The following COL4A5 variants were observed in gnomAD, a reference collection of about 807,000 sequenced individuals.
The protein encoded by COL4A5 is collagen type IV alpha 5 chain, also known as collagen alpha-5(IV) chain.
Under a neutral mutation model 130.2 loss-of-function variants are expected in COL4A5, and 26 were observed. The ratio of observed to expected loss-of-function variants is 0.20; its 90% CI spans 0.15 to 0.28. The LOEUF is 0.28. Among genes scored for constraint, COL4A5 ranks in the 10% least tolerant of loss-of-function variants. The probability of loss-of-function intolerance (pLI) is 1.00; values close to 1 mark genes in which losing one functional copy is unlikely to be tolerated. For missense variants in COL4A5, 1,131 were observed against 1,344.3 expected, an observed-to-expected ratio of 0.84 and a Z score of 2.48; for synonymous variants, 496 against 439.6, an observed-to-expected ratio of 1.13 and a Z score of -1.60.
chrX:108,541,179 A>G (rs1387070187), intron 2 of COL4A5, among the ~76,000 whole-genome samples: 1 of 112,238 alleles, frequency 8.9e-6, no homozygotes, highest in Non-Finnish European at 1.9e-5. Flanking sequence ...CAGAGCAGCT[A>G]TTAATATTAA....
At chrX:108,665,006 T>TAC (rs1293541808) in intron 37 of COL4A5, among the ~76,000 whole-genome samples, 1 of 112,176 alleles carries the variant, frequency 8.9e-6, no homozygotes, top group Non-Finnish European at 1.9e-5. Context: ...ACACAACATA[T>TAC]ACCTACTTTT....
intron 1 of COL4A5, among the ~76,000 whole-genome samples, chrX:108,492,455 G>T (rs751917764): frequency 8.3e-4 from 93 of 111,921 alleles, no homozygotes; most frequent in African/African-American, 2.9e-3. Flanking sequence ...TTTCAGATTT[G>T]CTGCATCATA....
chrX:108,517,569 G>A (rs1391531243), intron 1 of COL4A5, among the ~76,000 whole-genome samples: 1 of 111,593 alleles, frequency 9.0e-6, no homozygotes, highest in East Asian at 2.8e-4. Context: ...CATTGGAGGT[G>A]TTAATAAGGT....
intron 36 of COL4A5, among the ~76,000 whole-genome samples, chrX:108,643,345 A>C (rs1424602213): frequency 8.9e-6 from 1 of 112,003 alleles, no homozygotes; most frequent in Non-Finnish European, 1.9e-5. Flanking sequence ...TAGACATCCA[A>C]ATACAAGAAG....
At chrX:108,666,466 G>T in intron 38 of COL4A5, 30 bp from the exon 39 acceptor site, 1 of 1,119,316 alleles carries the variant, frequency 8.9e-7, no homozygotes, top group Non-Finnish European at 1.2e-6. Flanking sequence ...TTGGAAAACT[G>T]GGTGTAACCT....
At chrX:108,627,136 A>G in intron 36 of COL4A5, 1 of 672,900 alleles carries the variant, frequency 1.5e-6, no homozygotes, top group Non-Finnish European at 1.8e-6. Context: ...TAATCAAGAG[A>G]AGTTTCTGTA....
chrX:108,580,620 G>A (rs2066228505), intron 14 of COL4A5, 34 bp downstream of exon 14: 2 of 1,195,350 alleles, frequency 1.7e-6, no homozygotes, highest in East Asian at 3.0e-5. Context: ...ATCATTTAAT[G>A]TAAATTGGTA....
At chrX:108,614,712 A>T (rs2066894639) in intron 29 of COL4A5, among the ~76,000 whole-genome samples, 199 bp from the exon 30 acceptor site, 2 of 112,145 alleles carry the variant, frequency 1.8e-5, no homozygotes, top group South Asian at 7.4e-4. Flanking sequence ...TAAGTATTGA[A>T]GTAGTGATCA....
chrX:108,569,901 C>T (rs374637138), intron 6 of COL4A5, among the ~76,000 whole-genome samples: 9 of 110,841 alleles, frequency 8.1e-5, no homozygotes, highest in African/African-American at 3.0e-4. Flanking sequence ...AGGCTGGTCT[C>T]GAATTCCTGA....
At chrX:108,550,437 A>G (rs2065734593) in intron 2 of COL4A5, among the ~76,000 whole-genome samples, 1 of 112,266 alleles carries the variant, frequency 8.9e-6, no homozygotes, top group African/African-American at 3.2e-5. Flanking sequence ...GCATAAATAT[A>G]TAAACCCCCA....
chrX:108,626,397 A>C (rs1434782378), intron 36 of COL4A5, 48 bp downstream of exon 36: 3 of 1,195,196 alleles, frequency 2.5e-6, no homozygotes, highest in East Asian at 5.9e-5. Context: ...CAGATATGAA[A>C]TTTTTTAATA....
chrX:108,652,891 T>C (rs969389107), intron 36 of COL4A5, among the ~76,000 whole-genome samples: 17 of 112,043 alleles, frequency 1.5e-4, no homozygotes, highest in Non-Finnish European at 2.4e-4. Flanking sequence ...TTCAGAATTA[T>C]ATCAAAGCTT....
chrX:108,540,328 A>G (rs770272912), intron 2 of COL4A5, among the ~76,000 whole-genome samples: 2 of 112,157 alleles, frequency 1.8e-5, no homozygotes, highest in East Asian at 5.6e-4. Flanking sequence ...AGGCAAAGAC[A>G]GGGGAAAAAC....
At chrX:108,692,604 A>T in intron 49 of COL4A5, 144 bp from the exon 50 acceptor site, 1 of 491,173 alleles carries the variant, frequency 2.0e-6, no homozygotes, top group Non-Finnish European at 3.5e-6. Flanking sequence ...ATATGAGTAA[A>T]TCTTAGACTT....
At chrX:108,498,396 G>A (rs920193019) in intron 1 of COL4A5, among the ~76,000 whole-genome samples, 2 of 111,415 alleles carry the variant, frequency 1.8e-5, no homozygotes, top group East Asian at 2.8e-4. Context: ...TATAGTGAGT[G>A]TTAAAATAAG....
chrX:108,667,655 G>A (rs2068111991), intron 40 of COL4A5, among the ~76,000 whole-genome samples: 2 of 109,962 alleles, frequency 1.8e-5, no homozygotes, highest in Non-Finnish European at 3.8e-5. Flanking sequence ...AGGACTGAAT[G>A]TACATACAGA....
intron 1 of COL4A5, among the ~76,000 whole-genome samples, chrX:108,446,340 TGTAGA>T (rs896614627): frequency 3.6e-5 from 4 of 112,213 alleles, no homozygotes; most frequent in African/African-American, 1.3e-4. Flanking sequence ...TGTTCACTTT[TGTAGA>T]GTATATTTTA....
intron 1 of COL4A5, among the ~76,000 whole-genome samples, chrX:108,441,491 C>G (rs1199839924): frequency 1.8e-5 from 2 of 112,096 alleles, no homozygotes; most frequent in Non-Finnish European, 3.8e-5. Flanking sequence ...AACTAACTTT[C>G]ATATTACTCT....
At chrX:108,487,390 CAAAA>C (rs139062835) in intron 1 of COL4A5, among the ~76,000 whole-genome samples, 1 of 53,425 alleles carries the variant, frequency 1.9e-5, no homozygotes. Flanking sequence ...AACTCTGTCT[CAAAA>C]AAAAAAAAAA....
Sources: gnomAD v4.1 joint callset for allele counts (sites outside exome capture counted in the v4.1 genomes callset) on GRCh38, gnomAD v4.1.1 for gene constraint, MANE v1.5 for transcripts, NCBI Gene and HGNC (gene_info 2026-07-23, HGNC 2026-07-21) for gene names.